The following SBF2 variants were observed in gnomAD, a reference collection of about 807,000 sequenced individuals.
SBF2 encodes SET binding factor 2, also known as myotubularin-related protein 13.
SBF2 carries 112 observed loss-of-function variants against 225.2 expected under a neutral mutation model. The observed-to-expected ratio is 0.50, with a 90% confidence interval of 0.43 to 0.58. SBF2 has a LOEUF of 0.58. Among genes scored for constraint, SBF2 ranks in the 20% least tolerant of loss-of-function variants. The pLI is 0.00. For synonymous variants in SBF2, 763 were observed against 773.3 expected, an observed-to-expected ratio of 0.99 and a Z score of 0.22; for missense variants, 1,996 against 2,206.2, an observed-to-expected ratio of 0.90 and a Z score of 1.91.
chr11:10,057,105 G>A (rs1372919104), intron 2 of SBF2, among the ~76,000 whole-genome samples: 1 of 152,126 alleles, frequency 6.6e-6, no homozygotes, highest in Admixed American at 6.5e-5. Flanking sequence ...CTTCACTGGT[G>A]ACACTTCTAG....
Position 9,780,981 on chromosome 11 carries a change from T to C in SBF2, c.5452-465A>G, listed in dbSNP as rs1851966796. 4 of 296,932 alleles carry C rather than the reference T, an allele frequency of 1.3e-5. No homozygotes were observed. The Admixed American group carries it at 1.9e-4, about 14-fold the overall frequency. 18.4% of individuals were successfully genotyped at this position (296,932 alleles called of 1,614,324 possible). On this transcript the variant is annotated intron_variant, in intron 39 of 39. Transcript: ENST00000256190. Reference sequence around the variant, plus strand: ...CTGTCAGGAAAACGGTCTCATGGCCTGAGCAGGGCCATAGAGGATGACCTA... The same window carrying C: ...CTGTCAGGAAAACGGTCTCATGGCCCGAGCAGGGCCATAGAGGATGACCTA...
intron 32 of SBF2, among the ~76,000 whole-genome samples, chr11:9,803,099 T>C (rs572501194): frequency 1.0e-3 from 152 of 152,330 alleles, no homozygotes; most frequent in African/African-American, 3.5e-3. Context: ...ACAATATTAC[T>C]TTTTACAGTT....
At chr11:10,135,901 G>A (rs367645125) in intron 2 of SBF2, among the ~76,000 whole-genome samples, 1 of 151,996 alleles carries the variant, frequency 6.6e-6, no homozygotes, top group South Asian at 2.1e-4. Flanking sequence ...TATCTTTACT[G>A]CAGCGCCCCA....
rs1565165888 is a variant in SBF2 at position 10,042,856 on chromosome 11, C to A, written c.267G>T (p.Glu89Asp). 10 of 1,613,884 alleles carry A rather than the reference C, an allele frequency of 6.2e-6. No individual in the cohort carries two copies. Among genetic ancestry groups the A allele is most frequent in the Non-Finnish European group, 7.6e-6 (9 of 1,179,898 alleles). The change falls in exon 3 of 40, where the codon GAG (glutamate) becomes GAT (aspartate). Residue 89 changes from glutamate (E) to aspartate (D), a missense_variant. Glu to Asp is a conservative substitution (Grantham distance 45, BLOSUM62 2). Coordinates refer to ENST00000256190, the MANE Select transcript of SBF2 (RefSeq NM_030962.4). ...AAGGTTTTTGTACCTGAAGATTGAT[C>A]TCTGCCTCATAGAAGGTTAGGCATG... Reference protein sequence around the residue: ...YCSCLTFYEAEINLQGTKKEE... With the variant: ...YCSCLTFYEADINLQGTKKEE...
At chr11:9,972,287 T>A (rs967226900) in intron 13 of SBF2, among the ~76,000 whole-genome samples, 1 of 152,108 alleles carries the variant, frequency 6.6e-6, no homozygotes, top group Admixed American at 6.5e-5. Flanking sequence ...CACCCCAGAA[T>A]GAATCTAAAG....
intron 2 of SBF2, among the ~76,000 whole-genome samples, chr11:10,068,917 A>G (rs1452907860): frequency 6.6e-6 from 1 of 152,202 alleles, no homozygotes; most frequent in South Asian, 2.1e-4. Context: ...AGAAATTTGT[A>G]GAGAAATCAT....
intron 13 of SBF2, among the ~76,000 whole-genome samples, chr11:9,980,160 T>C (rs1946883009): frequency 6.6e-6 from 1 of 151,832 alleles, no homozygotes. Flanking sequence ...TTTGTATTTT[T>C]AGTAGAGACG....
At chr11:9,848,663 T>C (rs1856718922) in intron 22 of SBF2, among the ~76,000 whole-genome samples, 1 of 152,282 alleles carries the variant, frequency 6.6e-6, no homozygotes, top group South Asian at 2.1e-4. Flanking sequence ...ACAAAAGTCC[T>C]ACTATAAAAA....
chr11:10,201,106 A>C (rs1408237366), intron 1 of SBF2, among the ~76,000 whole-genome samples: 3 of 152,214 alleles, frequency 2.0e-5, no homozygotes, highest in Non-Finnish European at 4.4e-5. Context: ...CTCAGAAGAA[A>C]TGGCTAAAGC....
intron 1 of SBF2, among the ~76,000 whole-genome samples, chr11:10,252,149 C>T (rs549428216): frequency 6.6e-6 from 1 of 152,238 alleles, no homozygotes; most frequent in South Asian, 2.1e-4. Flanking sequence ...TCTACTCAGT[C>T]CTTGTTCTTG....
chr11:9,821,357 A>T (rs1854742112), intron 28 of SBF2, among the ~76,000 whole-genome samples: 1 of 152,202 alleles, frequency 6.6e-6, no homozygotes, highest in Non-Finnish European at 1.5e-5. Context: ...TAAACAAAAA[A>T]TATTAAGGAC....
At chr11:10,133,402 G>C (rs1282510707) in intron 2 of SBF2, among the ~76,000 whole-genome samples, 1 of 149,362 alleles carries the variant, frequency 6.7e-6, no homozygotes, top group Admixed American at 6.8e-5. Context: ...CCCATGGAGT[G>C]GGTGGGAGGC....
At chr11:9,989,694 C>A (rs1049866992) in intron 12 of SBF2, 99 bp from the exon 13 acceptor site, 1 of 725,346 alleles carries the variant, frequency 1.4e-6, no homozygotes, top group Non-Finnish European at 2.3e-6. Flanking sequence ...AAAAATCCAA[C>A]ATATACATTA....
rs537947633 is a variant in SBF2, at chr11:10,151,356, G to A, written c.141+42546C>T. Among the ~76,000 whole-genome samples the A allele has an allele frequency of 4.6e-5, 7 of 152,146 alleles. No individual in the cohort carries two copies. In the South Asian group the frequency reaches 1.5e-3, roughly 32 times the overall value. Reference sequence around the variant, plus strand: ...ATATATCCATTGATATCTTTAATTAGGATTCCTTTCCTCCCCATGTTGTTG... The same window carrying A: ...ATATATCCATTGATATCTTTAATTAAGATTCCTTTCCTCCCCATGTTGTTG... On this transcript the variant is annotated intron_variant, in intron 2 of 39. Coordinates refer to ENST00000256190, the MANE Select transcript of SBF2 (RefSeq NM_030962.4).
At chr11:10,137,835 C>T (rs909579710) in intron 2 of SBF2, among the ~76,000 whole-genome samples, 1 of 151,866 alleles carries the variant, frequency 6.6e-6, no homozygotes, top group South Asian at 2.1e-4. Context: ...GGTGAAACCC[C>T]GTCTCTACTA....
chr11:10,067,179 A>C (rs1950657952), intron 2 of SBF2, among the ~76,000 whole-genome samples: 1 of 152,176 alleles, frequency 6.6e-6, no homozygotes, highest in Non-Finnish European at 1.5e-5. Flanking sequence ...GGACAATGAA[A>C]ATTACAAAAC....
At chr11:9,835,379 G>A (rs1470011813) in intron 26 of SBF2, among the ~76,000 whole-genome samples, 1 of 151,988 alleles carries the variant, frequency 6.6e-6, no homozygotes, top group Non-Finnish European at 1.5e-5. Context: ...AGCACTTTGG[G>A]AGGCCCAGCT....
At chr11:10,091,896 T>A (rs571766758) in intron 2 of SBF2, among the ~76,000 whole-genome samples, 2 of 152,262 alleles carry the variant, frequency 1.3e-5, no homozygotes, top group Admixed American at 1.3e-4. Flanking sequence ...GTTTTTGAGT[T>A]TTGCTTCCCT....
At chr11:9,851,913 G>C (rs865826859) in intron 21 of SBF2, among the ~76,000 whole-genome samples, 15 of 152,252 alleles carry the variant, frequency 9.9e-5, no homozygotes, top group Middle Eastern at 3.4e-3. Flanking sequence ...TGGGACTACA[G>C]ATAACACCAC....
Sources: gnomAD v4.1 joint callset for allele counts (sites outside exome capture counted in the v4.1 genomes callset) on GRCh38, gnomAD v4.1.1 for gene constraint, MANE v1.5 for transcripts, NCBI Gene and HGNC (gene_info 2026-07-23, HGNC 2026-07-21) for gene names.